The following GRAMD4 variants were observed in gnomAD, a reference collection of about 807,000 sequenced individuals.
The protein encoded by GRAMD4 is GRAM domain containing 4, also known as GRAM domain-containing protein 4.
GRAMD4 carries 25 observed loss-of-function variants against 83.9 expected under a neutral mutation model. The ratio of observed to expected loss-of-function variants is 0.30; its 90% CI spans 0.22 to 0.42. GRAMD4 has a LOEUF of 0.42. Ranked by LOEUF, GRAMD4 falls within the 10% of genes least tolerant of loss-of-function variation. The probability of loss-of-function intolerance (pLI) is 1.00; values close to 1 mark genes in which losing one functional copy is unlikely to be tolerated. For synonymous variants in GRAMD4, 336 were observed against 320.9 expected, an observed-to-expected ratio of 1.05 and a Z score of -0.50; for missense variants, 593 against 788.7, an observed-to-expected ratio of 0.75 and a Z score of 2.97.
Position 46,677,736 on chromosome 22 carries a change from G to A in GRAMD4, c.*485G>A. The A allele has an allele frequency of 1.1e-5, 11 of 982,106 alleles. No homozygotes were observed. Among genetic ancestry groups the A allele is most frequent in the South Asian group, 4.7e-5 (1 of 21,072 alleles). 60.8% of individuals were successfully genotyped at this position (982,106 alleles called of 1,614,324 possible). A position where few individuals can be genotyped will look rare whatever the true frequency, so the allele number is the denominator to read the frequency against. Reference sequence around the variant, plus strand: ...GATGTCGTCAAGGAGGGACATGGGGGCCTTTCACCAACCACCGAGAAACGG... The same window carrying A: ...GATGTCGTCAAGGAGGGACATGGGGACCTTTCACCAACCACCGAGAAACGG... On this transcript the variant is annotated 3_prime_UTR_variant, in exon 19 of 19. Coordinates refer to ENST00000406902, the MANE Select transcript of GRAMD4 (RefSeq NM_015124.5).
chr22:46,616,829 C>A (rs1279933630), upstream of GRAMD4, among the ~76,000 whole-genome samples: 3 of 47,708 alleles, frequency 6.3e-5, no homozygotes, highest in East Asian at 9.7e-4. Flanking sequence ...CCTGTGTGTA[C>A]GTTCCCCTGT....
chr22:46,676,545 G>A, intron 17 of GRAMD4, 55 bp from the exon 18 acceptor site: 1 of 1,489,550 alleles, frequency 6.7e-7, no homozygotes, highest in Non-Finnish European at 9.1e-7. Context: ...GTGGAGGGCT[G>A]TGCCTCCCTG....
chr22:46,678,575 G>A lies in GRAMD4; in HGVS notation c.*1324G>A. 1 of 985,512 alleles carries A rather than the reference G, an allele frequency of 1.0e-6. No individual in the cohort carries two copies. The highest frequency in any genetic ancestry group is 1.1e-4 in the East Asian group (1 of 8,814). The allele number at this position is 985,512 out of a possible 1,614,324, so 61.0% of individuals were successfully genotyped here. ...CCCCGCGGGCCTGCGTGTCTGCTGG[G>A]GCGGATCCCGCAGCTCCCTCAGCTT... is the stretch of plus-strand genomic sequence containing the variant. On this transcript the variant is annotated 3_prime_UTR_variant, in exon 19 of 19. Coordinates refer to ENST00000406902, the MANE Select transcript of GRAMD4 (RefSeq NM_015124.5).
intron 3 of GRAMD4, among the ~76,000 whole-genome samples, chr22:46,654,724 C>T (rs979933827): frequency 1.3e-5 from 2 of 152,242 alleles, no homozygotes; most frequent in African/African-American, 4.8e-5. Flanking sequence ...CCAAGCTCCC[C>T]TCCCAACCAC....
chr22:46,679,668 G>A lies in GRAMD4; in HGVS notation c.*2417G>A. ...CAACAAAAGGATTGTACTGTATTAA[G>A]AACCGATGAAAAAAATTCTCCTGTA... On this transcript the variant is annotated 3_prime_UTR_variant, in exon 19 of 19. Transcript: ENST00000406902. 1 of 982,746 alleles carries A rather than the reference G, an allele frequency of 1.0e-6. No homozygotes were observed. The highest frequency in any genetic ancestry group is 1.2e-6 in the Non-Finnish European group (1 of 827,308). The allele number at this position is 982,746 out of a possible 1,614,324, so 60.9% of individuals were successfully genotyped here. A position where few individuals can be genotyped will look rare whatever the true frequency, so the allele number is the denominator to read the frequency against.
intron 16 of GRAMD4, among the ~76,000 whole-genome samples, chr22:46,674,998 A>G (rs1475763306): frequency 6.6e-6 from 1 of 152,232 alleles, no homozygotes; most frequent in Non-Finnish European, 1.5e-5. Flanking sequence ...CTGGGGCCCA[A>G]GCAGTTCATG....
rs73891409 is a variant in GRAMD4 at position 46,631,175 on chromosome 22, C to T, written c.162+4214C>T. ...TAAAATACACAGAGCATTGAATGTA[C>T]CATTTTCATTTTCACTGTCAGTGTG... On this transcript the variant is annotated intron_variant, in intron 2 of 18. Transcript: ENST00000406902. Among the ~76,000 whole-genome samples, 423 of 152,342 alleles carry T rather than the reference C, an allele frequency of 2.8e-3. 3 individuals are homozygous for T. Among genetic ancestry groups the T allele is most frequent in the African/African-American group, 9.5e-3 (393 of 41,574 alleles).
chr22:46,674,103 C>T (rs2082557765), intron 15 of GRAMD4, among the ~76,000 whole-genome samples: 1 of 152,236 alleles, frequency 6.6e-6, no homozygotes, highest in South Asian at 2.1e-4. Context: ...CAGGGCGAGG[C>T]CTCAGGGCCT....
rs2082525192 is a variant in GRAMD4 at position 46,672,520 on chromosome 22, C to T, written c.1085-323C>T. On this transcript the variant is annotated intron_variant, in intron 13 of 18. Coordinates refer to ENST00000406902, the MANE Select transcript of GRAMD4 (RefSeq NM_015124.5). The surrounding 1 kb of genome is among the most constrained non-coding windows in gnomAD (Gnocchi z 4.7). ...TGTTTCAGGTGGGTCAAGAACAGCC[C>T]TGAGCCAGGCGGAGTTGGAGAGAGA... is the stretch of plus-strand genomic sequence containing the variant. Among the ~76,000 whole-genome samples the T allele has an allele frequency of 6.7e-6, 1 of 150,094 alleles. No individual in the cohort carries two copies. The highest frequency in any genetic ancestry group is 1.5e-5 in the Non-Finnish European group (1 of 67,778).
chr22:46,661,401 A>G lies in GRAMD4; in HGVS notation c.425A>G (p.Gln142Arg). The G allele has an allele frequency of 4.3e-6, 7 of 1,612,350 alleles. No individual in the cohort carries two copies. The highest frequency in any genetic ancestry group is 5.9e-6 in the Non-Finnish European group (7 of 1,179,722). Reference protein sequence around the residue: ...LKARTEEQMAQQPPKGQAQAS... With the variant: ...LKARTEEQMARQPPKGQAQAS... Reference sequence around the variant, plus strand: ...TTAAGAACCGAGGAGCAGATGGCTCAGCAGCCCCCAAAAGGGCAGGCCCAG... The same window carrying G: ...TTAAGAACCGAGGAGCAGATGGCTCGGCAGCCCCCAAAAGGGCAGGCCCAG... Residue 142 changes from glutamine to arginine, a missense_variant, in exon 5 of 19, where the codon CAG becomes CGG. Gln to Arg is a conservative substitution (Grantham distance 43). Around this residue, in one of 4 missense-constraint regions of GRAMD4, gnomAD observed 312 missense variants for 350.7 expected, o/e 0.89. Coordinates refer to ENST00000406902, the MANE Select transcript of GRAMD4 (RefSeq NM_015124.5).
chr22:46,585,769 C>G (rs1300555668), intron 1 of GRAMD4, among the ~76,000 whole-genome samples: 1 of 152,300 alleles, frequency 6.6e-6, no homozygotes, highest in East Asian at 1.9e-4. Context: ...GAGGGAGCGA[C>G]AAGGAGGGCT....
chr22:46,589,131 T>C (rs1569246731), intron 1 of GRAMD4, among the ~76,000 whole-genome samples: 1 of 151,890 alleles, frequency 6.6e-6, no homozygotes, highest in African/African-American at 2.4e-5. Context: ...CTGCTGGTGC[T>C]CCAGGGAGGA....
At chr22:46,674,038 C>A (rs550832532) in intron 15 of GRAMD4, among the ~76,000 whole-genome samples, 1 of 152,344 alleles carries the variant, frequency 6.6e-6, no homozygotes, top group South Asian at 2.1e-4. Context: ...GAGCCGCCCA[C>A]GCTGCAGCAC....
intron 1 of GRAMD4, among the ~76,000 whole-genome samples, chr22:46,582,372 TTGG>T (rs1273876857): frequency 6.6e-6 from 1 of 151,996 alleles, no homozygotes; most frequent in Non-Finnish European, 1.5e-5. Flanking sequence ...TCAGCCTCTC[TTGG>T]TGGGTTCCCC....
intron 17 of GRAMD4, 27 bp downstream of exon 17, chr22:46,675,579 A>C: frequency 2.1e-6 from 3 of 1,416,270 alleles, no homozygotes; most frequent in Non-Finnish European, 3.0e-6. Flanking sequence ...ACCCCCACTA[A>C]CCCCCGTGTT....
upstream of GRAMD4, among the ~76,000 whole-genome samples, chr22:46,617,389 G>A (rs1287813243): frequency 6.7e-6 from 1 of 150,328 alleles, no homozygotes; most frequent in Non-Finnish European, 1.5e-5. Flanking sequence ...TGTGTGTGCA[G>A]CTTCCCCTGT....
intron 1 of GRAMD4, among the ~76,000 whole-genome samples, chr22:46,609,982 C>G (rs1398593498): frequency 6.6e-6 from 1 of 152,186 alleles, no homozygotes; most frequent in African/African-American, 2.4e-5. Context: ...TCCTTGCTGG[C>G]TCCTCTGCCT....
At chr22:46,645,852 G>A (rs959499952) in intron 3 of GRAMD4, among the ~76,000 whole-genome samples, 11 of 152,180 alleles carry the variant, frequency 7.2e-5, no homozygotes, top group South Asian at 2.1e-4. Context: ...CTTTTTGAGC[G>A]CGGTTGCCGT....
intron 9 of GRAMD4, 142 bp from the exon 10 acceptor site, chr22:46,666,683 C>G: frequency 1.4e-6 from 1 of 699,438 alleles, no homozygotes; most frequent in South Asian, 1.6e-5. Flanking sequence ...TCCGGAGGGA[C>G]CTTTTCTCCC....
Sources: gnomAD v4.1 joint callset for allele counts (sites outside exome capture counted in the v4.1 genomes callset) on GRCh38, gnomAD v4.1.1 for gene constraint, gnomAD v4.1.1 regional missense constraint, Gnocchi (gnomAD v3.1) non-coding constraint, MANE v1.5 for transcripts, NCBI Gene and HGNC (gene_info 2026-07-23, HGNC 2026-07-21) for gene names.